DIP2C: variants seen among roughly 807,000 people sequenced by gnomAD.
The protein encoded by DIP2C is disco-interacting protein 2 homolog C.
In DIP2C, 33 loss-of-function variants were observed where a neutral mutation model predicts 192.4. The ratio of observed to expected loss-of-function variants is 0.17; its 90% CI spans 0.13 to 0.23. DIP2C has a LOEUF of 0.23. Ranked by LOEUF, DIP2C falls within the 10% of genes least tolerant of loss-of-function variation. The pLI, the probability that DIP2C is intolerant of heterozygous loss-of-function variation, is 1.00. For synonymous variants in DIP2C, 979 were observed against 864.1 expected (o/e 1.13, Z -2.33); for missense variants, 1,537 against 2,110.1 (o/e 0.73, Z 5.32).
chr10:318,695 G>T (rs1051790762), intron 31 of DIP2C, among the ~76,000 whole-genome samples: 2 of 152,136 alleles, frequency 1.3e-5, no homozygotes, highest in East Asian at 3.9e-4. Context: ...CTGGGATGCC[G>T]TGTGTCAGCA....
chr10:394,902 G>C (rs773176984), intron 10 of DIP2C, among the ~76,000 whole-genome samples: 5 of 146,132 alleles, frequency 3.4e-5, no homozygotes, highest in Admixed American at 6.8e-5. Flanking sequence ...GAGGGAAGGT[G>C]ACCGTATGCT....
rs75006096 is a variant in DIP2C at position 601,596 on chromosome 10, C to G, written c.85+87898G>C. On this transcript the variant is annotated intron_variant, in intron 1 of 36. Coordinates refer to ENST00000280886, the MANE Select transcript of DIP2C (RefSeq NM_014974.3). ...CTGGAATGCAGACTTGTGGCAGAGA[C>G]TTCCTTCCTGCCCACCCTAACTGTC... Among the ~76,000 whole-genome samples the G allele has an allele frequency of 2.5e-3, 383 of 152,354 alleles. 1 individual carries two copies. Among genetic ancestry groups the G allele is most frequent in the Middle Eastern group, 0.01 (3 of 294 alleles).
chr10:659,157 T>C (rs919967788), intron 1 of DIP2C, among the ~76,000 whole-genome samples: 4 of 152,186 alleles, frequency 2.6e-5, no homozygotes, highest in African/African-American at 9.7e-5. Flanking sequence ...TGCATACACA[T>C]AACATGCACA....
chr10:655,046 C>G (rs187781648), intron 1 of DIP2C, among the ~76,000 whole-genome samples: 1 of 152,270 alleles, frequency 6.6e-6, no homozygotes, highest in Non-Finnish European at 1.5e-5. Flanking sequence ...GATAGGGGAA[C>G]TTGCTCAGGG....
intron 17 of DIP2C, 96 bp from the exon 18 acceptor site, chr10:369,729 C>A: frequency 6.3e-7 from 1 of 1,595,074 alleles, no homozygotes; most frequent in Non-Finnish European, 8.6e-7. Flanking sequence ...CTGGGCACCT[C>A]TGGGCACAGT....
chr10:519,696 T>G (rs1846577887), intron 1 of DIP2C, among the ~76,000 whole-genome samples: 1 of 152,248 alleles, frequency 6.6e-6, no homozygotes, highest in African/African-American at 2.4e-5. Flanking sequence ...CCTGACCCTC[T>G]CAAGGGCGCA....
chr10:640,658 AGGGTGCGCGCGG>A (rs1855125896), intron 1 of DIP2C, among the ~76,000 whole-genome samples: 1 of 141,538 alleles, frequency 7.1e-6, no homozygotes, highest in African/African-American at 3.1e-5. Flanking sequence ...CGCGGGGAAG[AGGGTGCGCGCGG>A]GGATGAGGGT....
At chr10:373,946 G>A (rs184901400) in intron 17 of DIP2C, among the ~76,000 whole-genome samples, 8 of 152,186 alleles carry the variant, frequency 5.3e-5, no homozygotes, top group African/African-American at 1.9e-4. Flanking sequence ...ACTCGCAATA[G>A]CCCCCCGGAT....
chr10:446,138 G>A (rs527668547), intron 3 of DIP2C, among the ~76,000 whole-genome samples: 1 of 151,232 alleles, frequency 6.6e-6, no homozygotes, highest in Admixed American at 6.6e-5. Context: ...CTGTTGTGAA[G>A]AGTCTCACCG....
intron 1 of DIP2C, among the ~76,000 whole-genome samples, chr10:552,714 GT>G (rs1848649380): frequency 6.6e-6 from 1 of 152,212 alleles, no homozygotes; most frequent in South Asian, 2.1e-4. Flanking sequence ...GCCAGGTGTG[GT>G]GGTGGCACCT....
intron 1 of DIP2C, among the ~76,000 whole-genome samples, chr10:662,403 C>A (rs989504477): frequency 1.3e-5 from 2 of 152,234 alleles, no homozygotes. Flanking sequence ...CCTCACTCAC[C>A]CAGACACTCC....
Position 605,386 on chromosome 10 carries a change from A to G in DIP2C, c.85+84108T>C, listed in dbSNP as rs1350427915. On this transcript the variant is annotated intron_variant, in intron 1 of 36. Transcript: ENST00000280886. The stretch of plus-strand genomic sequence containing the variant: ...CAGAATTTCCTGAAACATTCTTTCA[A>G]TTTATCACTCATGATTCCCTTGCCC... 3.3e-5 allele frequency among the ~76,000 whole-genome samples: 5 copies of G among 152,176 alleles called. No individual in the cohort carries two copies. In the East Asian group the frequency reaches 9.6e-4, roughly 29 times the overall value.
intron 1 of DIP2C, among the ~76,000 whole-genome samples, chr10:640,539 CA>C (rs1811565102): frequency 6.6e-6 from 1 of 152,088 alleles, no homozygotes; most frequent in South Asian, 2.1e-4. Flanking sequence ...CGGGCATGGC[CA>C]GAGTAGAAAC....
At chr10:550,318 TATTTAA>T (rs1408926530) in intron 1 of DIP2C, among the ~76,000 whole-genome samples, 3 of 152,156 alleles carry the variant, frequency 2.0e-5, no homozygotes, top group Non-Finnish European at 4.4e-5. Flanking sequence ...CCCATGTAGC[TATTTAA>T]ATTTGTCTAA....
At chr10:378,676 C>T (rs1055695572) in intron 17 of DIP2C, among the ~76,000 whole-genome samples, 10 of 151,924 alleles carry the variant, frequency 6.6e-5, no homozygotes, top group Non-Finnish European at 1.2e-4. Flanking sequence ...CCTAGGCACA[C>T]ATGAACAGAC....
intron 1 of DIP2C, among the ~76,000 whole-genome samples, chr10:529,325 GCT>G (rs201451425): frequency 0.011 from 1,711 of 149,564 alleles, 36 homozygotes; most frequent in African/African-American, 0.041. Flanking sequence ...AGCTGAAAGT[GCT>G]CTGTCCTAGA....
chr10:576,604 A>G (rs181401763), intron 1 of DIP2C, among the ~76,000 whole-genome samples: 12 of 152,338 alleles, frequency 7.9e-5, no homozygotes, highest in African/African-American at 1.9e-4. Flanking sequence ...AGACTGAATA[A>G]CCAATATTAA....
In DIP2C at chr10:418,066, GT is replaced by G. The variant is rs1261453458; in HGVS notation, c.739+998del. 3.7e-4 allele frequency among the ~76,000 whole-genome samples: 5 copies of G among 13,564 alleles called. 1 individual carries two copies. Among genetic ancestry groups the G allele is most frequent in the South Asian group, 4.4e-3 (1 of 228 alleles). The allele number at this position is 13,564 out of a possible 152,430, so 8.9% of individuals were successfully genotyped here. Reference sequence around the variant, plus strand: ...TGTCAGGGCTTCGATAGGCCTCCCTGTTCACTGCACCTGTCAGGCCTCAGAT... The same window carrying G: ...TGTCAGGGCTTCGATAGGCCTCCCTGTCACTGCACCTGTCAGGCCTCAGAT... On this transcript the variant is annotated intron_variant, in intron 6 of 36. Coordinates refer to ENST00000280886, the MANE Select transcript of DIP2C (RefSeq NM_014974.3).
chr10:614,755 C>T (rs1477412150), intron 1 of DIP2C, among the ~76,000 whole-genome samples: 4 of 152,230 alleles, frequency 2.6e-5, no homozygotes, highest in Admixed American at 1.3e-4. Flanking sequence ...CCTCTGGCTA[C>T]GGGCTCCCTT....
Sources: allele counts gnomAD v4.1 joint callset (sites outside exome capture counted in the v4.1 genomes callset), GRCh38; gene constraint gnomAD v4.1.1; transcripts MANE v1.5; gene names NCBI Gene and HGNC (gene_info 2026-07-23, HGNC 2026-07-21).